Variants in KCNK10 observed in about 807,000 individuals in gnomAD.
KCNK10 encodes the protein potassium two pore domain channel subfamily K member 10, also known as potassium channel subfamily K member 10.
KCNK10 carries 25 observed loss-of-function variants against 47.7 expected under a neutral mutation model. The observed-to-expected ratio is 0.52, with a 90% confidence interval of 0.38 to 0.73. The LOEUF is 0.73. Among genes scored for constraint, KCNK10 ranks in the 30% least tolerant of loss-of-function variants. The pLI is 0.00. For missense variants in KCNK10, 563 were observed against 714.5 expected (o/e 0.79, Z 2.42); for synonymous variants, 303 against 285.6 (o/e 1.06, Z -0.61).
chr14:88,271,633 A>G (rs1267791977), intron 1 of KCNK10, among the ~76,000 whole-genome samples: 2 of 152,134 alleles, frequency 1.3e-5, no homozygotes, highest in East Asian at 3.9e-4. Context: ...TAAAAATTCT[A>G]TTGAATGGCA....
chr14:88,185,215 G>A lies in KCNK10; in HGVS notation c.*320C>T, dbSNP rs1884501119. The A allele has an allele frequency of 3.4e-6, 1 of 292,168 alleles. No individual in the cohort carries two copies. Among genetic ancestry groups the A allele is most frequent in the Non-Finnish European group, 6.4e-6 (1 of 155,626 alleles). 18.1% of individuals were successfully genotyped at this position (292,168 alleles called of 1,614,324 possible). On this transcript the variant is annotated 3_prime_UTR_variant, in exon 7 of 7. Coordinates refer to ENST00000319231, the MANE Select transcript of KCNK10 (RefSeq NM_138317.3). The surrounding 1 kb of genome is among the most constrained non-coding windows in gnomAD (Gnocchi z 4.3). ...GCTGGTCTAAGGAATAGCTGCCCTT[G>A]TCTACGTGTGTGCCCAGGTAGCACT... is the stretch of plus-strand genomic sequence containing the variant.
At chr14:88,251,090 G>A (rs1252700170) in intron 2 of KCNK10, among the ~76,000 whole-genome samples, 3 of 151,842 alleles carry the variant, frequency 2.0e-5, no homozygotes, top group Non-Finnish European at 4.4e-5. Context: ...AAAATTAGCT[G>A]GGCGTGGTGG....
intron 6 of KCNK10, 123 bp downstream of exon 6, chr14:88,187,844 G>T (rs988501505): frequency 3.8e-5 from 31 of 815,550 alleles, no homozygotes; most frequent in Non-Finnish European, 6.0e-5. Flanking sequence ...CCTATGACCC[G>T]CCCCCCGCTC....
At position 88,295,432 on chromosome 14, in the gene KCNK10, G is replaced by T. The variant is rs561538476; in HGVS notation, c.52+27315C>A. ...CCCAGCATTTTGGGAGGCCGAGGCAGGCAGATCACCTGAGGTCAGGAGTTT... is the reference window on the plus strand; with the variant it reads ...CCCAGCATTTTGGGAGGCCGAGGCATGCAGATCACCTGAGGTCAGGAGTTT... On this transcript the variant is annotated intron_variant, in intron 1 of 6. Coordinates refer to ENST00000319231, the MANE Select transcript of KCNK10 (RefSeq NM_138317.3). Among the ~76,000 whole-genome samples the T allele has an allele frequency of 1.7e-4, 26 of 152,300 alleles. No individual in the cohort carries two copies. The South Asian group carries it at 5.4e-3, about 32-fold the overall frequency.
At chr14:88,257,015 C>T (rs553654479) in intron 2 of KCNK10, among the ~76,000 whole-genome samples, 1 of 152,274 alleles carries the variant, frequency 6.6e-6, no homozygotes, top group South Asian at 2.1e-4. Context: ...ACCCCCGAGT[C>T]CTGGGGGCTA....
At chr14:88,296,502 C>T (rs1044307479) in intron 1 of KCNK10, among the ~76,000 whole-genome samples, 2 of 111,406 alleles carry the variant, frequency 1.8e-5, no homozygotes, top group South Asian at 2.9e-4. Context: ...CACACCGAGC[C>T]TAATCTCTCT....
intron 4 of KCNK10, among the ~76,000 whole-genome samples, chr14:88,223,363 A>T (rs1885880888): frequency 6.8e-6 from 1 of 147,282 alleles, no homozygotes; most frequent in Non-Finnish European, 1.5e-5. Context: ...TTAAACTGGC[A>T]TGTATGTTAC....
intron 5 of KCNK10, among the ~76,000 whole-genome samples, chr14:88,189,988 G>A (rs1403176543): frequency 6.6e-6 from 1 of 152,192 alleles, no homozygotes; most frequent in Non-Finnish European, 1.5e-5. Flanking sequence ...TCAGGACAAA[G>A]GAAATATGGC....
intron 2 of KCNK10, among the ~76,000 whole-genome samples, chr14:88,244,112 C>A (rs1378610052): frequency 1.3e-5 from 2 of 151,970 alleles, no homozygotes; most frequent in Non-Finnish European, 2.9e-5. Context: ...TAGAAAGCCC[C>A]AATGCTGAGA....
chr14:88,242,416 G>A (rs915732614), intron 2 of KCNK10, among the ~76,000 whole-genome samples: 14 of 152,084 alleles, frequency 9.2e-5, no homozygotes, highest in Non-Finnish European at 1.6e-4. Flanking sequence ...TTTCAGCTCA[G>A]GGGTTGTACA....
intron 1 of KCNK10, among the ~76,000 whole-genome samples, chr14:88,301,674 TA>T (rs1888103420): frequency 6.9e-6 from 1 of 145,954 alleles, no homozygotes; most frequent in Admixed American, 6.9e-5. Flanking sequence ...AGAGGTCCCG[TA>T]AAGGCCCTCA....
At chr14:88,189,558 AG>A (rs1884682141) in intron 5 of KCNK10, among the ~76,000 whole-genome samples, 2 of 152,308 alleles carry the variant, frequency 1.3e-5, no homozygotes, top group South Asian at 4.1e-4. Flanking sequence ...ACAATGAAGC[AG>A]GCAGTCAACA....
chr14:88,310,205 G>GATATCCCATATGATATGGTATATC (rs1888291890), intron 1 of KCNK10, among the ~76,000 whole-genome samples: 1 of 42,340 alleles, frequency 2.4e-5, no homozygotes, highest in Non-Finnish European at 6.1e-5. Context: ...TATGGTATAT[G>GATATCCCATATGATATGGTATATC]ATATACCATA....
chr14:88,263,317 C>T lies in KCNK10; in HGVS notation c.287G>A (p.Arg96Gln), dbSNP rs760785171. The T allele has an allele frequency of 9.9e-6, 16 of 1,613,852 alleles. No individual in the cohort carries two copies. The highest frequency in any genetic ancestry group is 2.2e-5 in the South Asian group (2 of 91,092). The change falls in exon 2 of 7, where the codon CGG becomes CAG. Residue 96 changes from arginine to glutamine, a missense_variant. Physicochemically the swap from Arg to Gln is conservative, Grantham distance 43. Transcript: ENST00000319231. ...GCTCTCAAAGGGCTGCTCCAATGCC[C>T]GGAAGACAAGACCGCCAGTGACAAG... ...VYLVTGGLVF[R>Q]ALEQPFESSQ... is the part of the protein sequence containing the mutation.
intron 4 of KCNK10, among the ~76,000 whole-genome samples, chr14:88,199,022 C>T (rs986338576): frequency 1.3e-5 from 2 of 151,906 alleles, no homozygotes; most frequent in South Asian, 2.1e-4. Flanking sequence ...CAGGTTCAAG[C>T]GATTCTCCTG....
Position 88,185,881 on chromosome 14 carries a change from CG to C in KCNK10, c.1285del (p.Arg429AlafsTer2). ...ESINNRPNNL[R>X]LKGPEQLNKH... ...GTTCAGCTGCTCCGGCCCCTTCAGG[CG>C]CAGGTTGTTGGGCCGGTTGTTGATG... On this transcript the variant is annotated frameshift_variant, in exon 7 of 7. Transcript: ENST00000319231. LOFTEE classifies it high-confidence loss of function. This position sits in a 1 kb window ranked among gnomAD's most constrained non-coding sequence, Gnocchi z 4.3. 3 of 1,614,050 alleles carry C rather than the reference CG, an allele frequency of 1.9e-6. No homozygotes were observed. The highest frequency in any genetic ancestry group is 2.5e-6 in the Non-Finnish European group (3 of 1,180,006).
At chr14:88,270,601 A>G in intron 1 of KCNK10, 2 of 715,940 alleles carry the variant, frequency 2.8e-6, no homozygotes, top group South Asian at 3.1e-5. Context: ...CTATGATGAA[A>G]TGACTGAGAC....
chr14:88,238,000 T>C (rs961961130), intron 3 of KCNK10, among the ~76,000 whole-genome samples: 2 of 152,268 alleles, frequency 1.3e-5, no homozygotes, highest in Non-Finnish European at 2.9e-5. Flanking sequence ...CTGTTTTGTC[T>C]ATAATGAAAA....
In KCNK10 at chr14:88,182,363, A is replaced by G. The variant is rs997188082; in HGVS notation, c.*3172T>C. 1 of 152,346 alleles carries G rather than the reference A, an allele frequency of 6.6e-6. No individual in the cohort carries two copies. The highest frequency in any genetic ancestry group is 1.5e-5 in the Non-Finnish European group (1 of 68,030). The allele number at this position is 152,346 out of a possible 1,614,324, so 9.4% of individuals were successfully genotyped here. The stretch of plus-strand genomic sequence containing the variant: ...AGATTGGAAAGGGGGGGCTGTGCTG[A>G]TGCATGTATAGAATGTGTAGCAGCT... On this transcript the variant is annotated 3_prime_UTR_variant, in exon 7 of 7. Transcript: ENST00000319231.
Sources: gnomAD v4.1 joint callset for allele counts (sites outside exome capture counted in the v4.1 genomes callset) on GRCh38, gnomAD v4.1.1 for gene constraint, Gnocchi (gnomAD v3.1) non-coding constraint, MANE v1.5 for transcripts, NCBI Gene and HGNC (gene_info 2026-07-23, HGNC 2026-07-21) for gene names.